The following DAG1 variants were observed in gnomAD, a reference collection of about 807,000 sequenced individuals.
The protein encoded by DAG1 is dystroglycan 1.
DAG1 carries 8 observed loss-of-function variants against 46.1 expected under a neutral mutation model. The observed-to-expected ratio is 0.17, with a 90% CI of 0.10 to 0.31. The LOEUF is 0.31. Among genes scored for constraint, DAG1 ranks in the 10% least tolerant of loss-of-function variants. The pLI, the probability that DAG1 is intolerant of heterozygous loss-of-function variation, is 1.00. For missense variants in DAG1, 1,003 were observed against 1,189.9 expected, an observed-to-expected ratio of 0.84 and a Z score of 2.31; for synonymous variants, 495 against 481.8, an observed-to-expected ratio of 1.03 and a Z score of -0.36.
chr3:49,532,149 G>A lies in DAG1; in HGVS notation c.1638G>A (p.Val546=). ...TGAAACTGCGGGAGCAGCAGCTGGT[G>A]GGCGAGAAGTCCTGGGTACAGTTCA... ...LTLKLREQQL[V]GEKSWVQFNS... The change falls in exon 3 of 3, where the codon GTG becomes GTA. Residue 546 remains valine, a synonymous_variant. Transcript: ENST00000308775. The surrounding 1 kb of genome is among the most constrained non-coding windows in gnomAD (Gnocchi z 5.4). 5.0e-6 allele frequency: 8 copies of A among 1,614,228 alleles called. No individual in the cohort carries two copies. Among genetic ancestry groups the A allele is most frequent in the Non-Finnish European group, 6.8e-6 (8 of 1,180,046 alleles).
At chr3:49,502,796 A>G (rs62261201) in intron 1 of DAG1, among the ~76,000 whole-genome samples, 2 of 151,254 alleles carry the variant, frequency 1.3e-5, no homozygotes, top group Non-Finnish European at 3.0e-5. Context: ...CCGCCACCAC[A>G]CCTGGCTAAT....
At chr3:49,475,536 C>G (rs550978895) in intron 1 of DAG1, among the ~76,000 whole-genome samples, 2 of 151,620 alleles carry the variant, frequency 1.3e-5, no homozygotes, top group South Asian at 4.2e-4. Context: ...TCCCAAGTAG[C>G]TGGGATTACA....
At chr3:49,515,044 C>G (rs2050861681) in intron 2 of DAG1, among the ~76,000 whole-genome samples, 1 of 152,076 alleles carries the variant, frequency 6.6e-6, no homozygotes, top group Non-Finnish European at 1.5e-5. Flanking sequence ...CCATATTGGC[C>G]AGACTGGTCT....
intron 1 of DAG1, among the ~76,000 whole-genome samples, chr3:49,502,678 G>C (rs1352127734): frequency 1.5e-5 from 2 of 134,370 alleles, no homozygotes; most frequent in Non-Finnish European, 3.1e-5. Flanking sequence ...TTGCTCTGTC[G>C]CCTAGGCTGG....
chr3:49,478,122 C>T (rs1327287715), intron 1 of DAG1, among the ~76,000 whole-genome samples: 1 of 151,144 alleles, frequency 6.6e-6, no homozygotes, highest in Non-Finnish European at 1.5e-5. Flanking sequence ...CAAAAATTAG[C>T]CAGGCGTGGT....
In DAG1 at chr3:49,485,363, T is replaced by A. The variant is rs569907441; in HGVS notation, c.-117+14930T>A. ...ACCTTTTGGAGACAAAAGGCCTTTGTTGTGTCTGGCCTTTATCTTTGTTGT... is the reference window on the plus strand; with the variant it reads ...ACCTTTTGGAGACAAAAGGCCTTTGATGTGTCTGGCCTTTATCTTTGTTGT... On this transcript the variant is annotated intron_variant, in intron 1 of 2. Transcript: ENST00000308775. Among the ~76,000 whole-genome samples the A allele has an allele frequency of 1.6e-4, 24 of 152,302 alleles. No individual in the cohort carries two copies. In the South Asian group the frequency reaches 4.8e-3, roughly 30 times the overall value.
intron 1 of DAG1, among the ~76,000 whole-genome samples, chr3:49,500,483 G>A (rs1703516114): frequency 6.6e-6 from 1 of 152,110 alleles, no homozygotes; most frequent in African/African-American, 2.4e-5. Context: ...CTGGGGTCTG[G>A]GGCAGTGCTG....
chr3:49,513,120 ATC>A (rs531431755), intron 2 of DAG1, among the ~76,000 whole-genome samples: 93 of 152,196 alleles, frequency 6.1e-4, no homozygotes, highest in Middle Eastern at 6.8e-3. Context: ...AAGGAACCTT[ATC>A]TCTGTTTCAC....
rs2051371941 is a variant in DAG1, at chr3:49,532,220, T to C, written c.1709T>C (p.Val570Ala). Residue 570 changes from valine (V) to alanine (A), a missense_variant, in exon 3 of 3, where the codon GTG becomes GCG. By Grantham distance (64) the Val-to-Ala change is moderately conservative (BLOSUM62 0). Coordinates refer to ENST00000308775, the MANE Select transcript of DAG1 (RefSeq NM_004393.6). This position sits in a 1 kb window ranked among gnomAD's most constrained non-coding sequence, Gnocchi z 5.4. ...TATGGCCTTCCCGACAGCAGCCACG[T>C]GGGCAAACACGAGTATTTCATGCAT... ...LMYGLPDSSH[V>A]GKHEYFMHAT... 6.2e-7 allele frequency: 1 copy of C among 1,614,106 alleles called. No individual in the cohort carries two copies. The highest frequency in any genetic ancestry group is 1.3e-5 in the African/African-American group (1 of 75,054).
chr3:49,501,484 G>A (rs913272327), intron 1 of DAG1, among the ~76,000 whole-genome samples: 14 of 152,222 alleles, frequency 9.2e-5, no homozygotes, highest in Middle Eastern at 3.4e-3. Flanking sequence ...AGTCTTGTGG[G>A]GGTGTTGGTT....
chr3:49,474,081 G>A (rs2049607117), intron 1 of DAG1, among the ~76,000 whole-genome samples: 1 of 151,934 alleles, frequency 6.6e-6, no homozygotes, highest in African/African-American at 2.4e-5. Context: ...TTGAGACCGA[G>A]TCTTGCTCTG....
chr3:49,475,039 A>G (rs1353025392), intron 1 of DAG1, among the ~76,000 whole-genome samples: 6 of 150,340 alleles, frequency 4.0e-5, no homozygotes, highest in African/African-American at 7.4e-5. Flanking sequence ...GTCTCGATCT[A>G]CTGACCTCTT....
At chr3:49,516,608 A>G (rs2050904079) in intron 2 of DAG1, among the ~76,000 whole-genome samples, 1 of 152,138 alleles carries the variant, frequency 6.6e-6, no homozygotes, top group Admixed American at 6.6e-5. Context: ...TGCTCATCTT[A>G]ATTATTGTGG....
intron 2 of DAG1, among the ~76,000 whole-genome samples, chr3:49,527,251 G>A (rs866995142): frequency 6.0e-5 from 9 of 150,446 alleles, no homozygotes; most frequent in African/African-American, 9.9e-5. Flanking sequence ...ATTGCCGGGC[G>A]CGGTGGCTCA....
chr3:49,475,021 C>A (rs1249557934), intron 1 of DAG1, among the ~76,000 whole-genome samples: 1 of 151,406 alleles, frequency 6.6e-6, no homozygotes, highest in Non-Finnish European at 1.5e-5. Flanking sequence ...ACTGTGTTAA[C>A]CAGGATGGTC....
intron 2 of DAG1, among the ~76,000 whole-genome samples, chr3:49,513,523 C>G (rs1020749198): frequency 3.3e-5 from 5 of 152,128 alleles, no homozygotes; most frequent in African/African-American, 1.2e-4. Context: ...GCCACTCTTT[C>G]CTTGCAGAGG....
intron 2 of DAG1, among the ~76,000 whole-genome samples, chr3:49,517,138 T>C (rs2050919639): frequency 6.6e-6 from 1 of 151,868 alleles, no homozygotes; most frequent in Non-Finnish European, 1.5e-5. Context: ...GGACTACAGG[T>C]GCCTGCTACC....
intron 1 of DAG1, among the ~76,000 whole-genome samples, chr3:49,477,567 A>C (rs35701831): frequency 0.43 from 65,203 of 152,120 alleles, 15,426 homozygotes; most frequent in East Asian, 0.93. Context: ...TGCTGTGATT[A>C]ATAGACATGA....
chr3:49,531,306 C>T lies in DAG1; in HGVS notation c.795C>T (p.Ser265=). 1 of 1,614,194 alleles carries T rather than the reference C, an allele frequency of 6.2e-7. No homozygotes were observed. ...GALLSWKLGC[S]LNQNSVPDIH... The stretch of plus-strand genomic sequence containing the variant: ...TTCTCTCCTGGAAGCTGGGCTGCTC[C>T]CTGAACCAGAACAGTGTGCCTGACA... Residue 265 remains serine, a synonymous_variant, in exon 3 of 3, where the codon TCC becomes TCT. Transcript: ENST00000308775. The surrounding 1 kb of genome is among the most constrained non-coding windows in gnomAD (Gnocchi z 7.0).
Sources: allele counts gnomAD v4.1 joint callset (sites outside exome capture counted in the v4.1 genomes callset), GRCh38; gene constraint gnomAD v4.1.1; non-coding constraint Gnocchi (gnomAD v3.1); transcripts MANE v1.5; gene names NCBI Gene and HGNC (gene_info 2026-07-23, HGNC 2026-07-21).